LEF1: variants seen among roughly 807,000 people sequenced by gnomAD.
LEF1 encodes lymphoid enhancer binding factor 1, also known as lymphoid enhancer-binding factor 1.
In LEF1, 14 loss-of-function variants were observed where a neutral mutation model predicts 51.2. The observed-to-expected ratio is 0.27, with a 90% CI of 0.18 to 0.43. The LOEUF is 0.43. Among genes scored for constraint, LEF1 ranks in the 20% least tolerant of loss-of-function variants. The pLI is 1.00. For synonymous variants in LEF1, 185 were observed against 183.2 expected (o/e 1.01, Z -0.08); for missense variants, 386 against 512.0 (o/e 0.75, Z 2.37).
At chr4:108,083,818 C>T (rs183999231) in intron 4 of LEF1, among the ~76,000 whole-genome samples, 32 of 152,236 alleles carry the variant, frequency 2.1e-4, no homozygotes, top group African/African-American at 7.0e-4. Context: ...GACAGCCCTT[C>T]GTAAGTAGAT....
chr4:108,102,142 T>C (rs182591584), intron 3 of LEF1, among the ~76,000 whole-genome samples: 6 of 151,940 alleles, frequency 3.9e-5, no homozygotes, highest in African/African-American at 7.2e-5. Flanking sequence ...CAATGCCACA[T>C]TGCTGATGGT....
At chr4:108,149,653 G>GTA (rs1176632198) in intron 3 of LEF1, among the ~76,000 whole-genome samples, 82 of 146,898 alleles carry the variant, frequency 5.6e-4, no homozygotes, top group Admixed American at 1.8e-3. Context: ...ATGTACATGT[G>GTA]TATATATATA....
rs1403604087 is a variant in LEF1 at position 108,048,447 on chromosome 4, T to C, written c.*311A>G. ...CACGCAGATATGAGGGGAGAAAAGC[T>C]GCTCAGCTGCCCCACAGCCTGCTAG... On this transcript the variant is annotated 3_prime_UTR_variant, in exon 12 of 12. Coordinates refer to ENST00000265165, the MANE Select transcript of LEF1 (RefSeq NM_016269.5). The C allele has an allele frequency of 2.9e-6, 1 of 348,886 alleles. No individual in the cohort carries two copies. Among genetic ancestry groups the C allele is most frequent in the African/African-American group, 2.1e-5 (1 of 47,774 alleles). The allele number at this position is 348,886 out of a possible 1,614,324, so 21.6% of individuals were successfully genotyped here.
intron 4 of LEF1, 45 bp from the exon 5 acceptor site, chr4:108,083,491 A>G (rs994975359): frequency 3.5e-5 from 45 of 1,283,642 alleles, no homozygotes; most frequent in Non-Finnish European, 4.8e-5. Context: ...TTCACAGGAT[A>G]TTTAACCAGA....
chr4:108,140,400 T>C (rs1467990111), intron 3 of LEF1, among the ~76,000 whole-genome samples: 1 of 152,218 alleles, frequency 6.6e-6, no homozygotes, highest in African/African-American at 2.4e-5. Flanking sequence ...TCCTTTCCTC[T>C]ATCTACTTTA....
intron 3 of LEF1, among the ~76,000 whole-genome samples, chr4:108,146,819 C>G (rs990558520): frequency 3.3e-5 from 5 of 152,120 alleles, no homozygotes; most frequent in Non-Finnish European, 7.4e-5. Flanking sequence ...CAACCTGTAT[C>G]GATAAAACAA....
intron 4 of LEF1, among the ~76,000 whole-genome samples, chr4:108,084,286 T>C (rs951064816): frequency 3.3e-5 from 5 of 152,172 alleles, no homozygotes; most frequent in Non-Finnish European, 7.3e-5. Flanking sequence ...GGAAAGTGAT[T>C]CAGAATAGAA....
intron 2 of LEF1, 110 bp from the exon 3 acceptor site, chr4:108,163,811 G>T (rs1363718872): frequency 3.5e-6 from 4 of 1,139,936 alleles, no homozygotes; most frequent in South Asian, 3.5e-5. Flanking sequence ...CTACATAAAA[G>T]ATTTGTTTAC....
chr4:108,090,934 T>G (rs1256405087), intron 3 of LEF1, among the ~76,000 whole-genome samples: 1 of 152,194 alleles, frequency 6.6e-6, no homozygotes, highest in African/African-American at 2.4e-5. Flanking sequence ...GATTTTAAAC[T>G]AATCTAATAA....
intron 3 of LEF1, among the ~76,000 whole-genome samples, chr4:108,147,949 T>G (rs1744100035): frequency 6.6e-6 from 1 of 152,224 alleles, no homozygotes; most frequent in Non-Finnish European, 1.5e-5. Context: ...AAATGAAAAC[T>G]TATCTACCTT....
At position 108,167,012 on chromosome 4, in the gene LEF1, G is replaced by A. The variant is rs568573338; in HGVS notation, c.213+543C>T. ...CCTGCTCCCCGCGGCCCGGCTCACCGGTGGTAGGGACGGCCCCGCCTGCCC... is the reference window on the plus strand; with the variant it reads ...CCTGCTCCCCGCGGCCCGGCTCACCAGTGGTAGGGACGGCCCCGCCTGCCC... On this transcript the variant is annotated intron_variant, in intron 1 of 11. Coordinates refer to ENST00000265165, the MANE Select transcript of LEF1 (RefSeq NM_016269.5). The surrounding 1 kb of genome is among the most constrained non-coding windows in gnomAD (Gnocchi z 5.7). Among the ~76,000 whole-genome samples, 41 of 151,898 alleles carry A rather than the reference G, an allele frequency of 2.7e-4. No homozygotes were observed. Among genetic ancestry groups the A allele is most frequent in the African/African-American group, 9.9e-4 (41 of 41,440 alleles).
intron 3 of LEF1, among the ~76,000 whole-genome samples, chr4:108,117,021 C>T (rs1741882936): frequency 6.6e-6 from 1 of 152,204 alleles, no homozygotes; most frequent in South Asian, 2.1e-4. Flanking sequence ...GTACACAATT[C>T]ACATTCACAC....
intron 5 of LEF1, among the ~76,000 whole-genome samples, chr4:108,082,613 T>A (rs72894349): frequency 6.6e-6 from 1 of 151,840 alleles, no homozygotes; most frequent in African/African-American, 2.4e-5. Context: ...GGAGGGAGAA[T>A]TGGAGAGGGA....
rs934913413 is a variant in LEF1, at chr4:108,077,219, G to A, written c.1008+1001C>T. Among the ~76,000 whole-genome samples, 18 of 152,050 alleles carry A rather than the reference G, an allele frequency of 1.2e-4. 1 individual carries two copies. In the South Asian group the frequency reaches 2.1e-3, roughly 18 times the overall value. ...TTAGCCAGGCATTGGCCACTGTCCC[G>A]TCTAGCAAGTGAGGAGCCCCTCTGC... is the stretch of plus-strand genomic sequence containing the variant. On this transcript the variant is annotated intron_variant, in intron 8 of 11. Transcript: ENST00000265165.
intron 3 of LEF1, among the ~76,000 whole-genome samples, chr4:108,116,175 AG>A (rs1048134217): frequency 4.6e-5 from 7 of 152,118 alleles, no homozygotes; most frequent in Admixed American, 4.6e-4. Context: ...TGAAAAGGGC[AG>A]GGGGACATGA....
intron 3 of LEF1, among the ~76,000 whole-genome samples, chr4:108,092,918 A>G (rs13131955): frequency 3.1e-4 from 12 of 39,224 alleles, no homozygotes; most frequent in African/African-American, 1.1e-3. Context: ...ATGAATATGT[A>G]AAAAAAAAAA....
chr4:108,134,550 C>T (rs372713113), intron 3 of LEF1, among the ~76,000 whole-genome samples: 7 of 152,168 alleles, frequency 4.6e-5, no homozygotes, highest in African/African-American at 1.7e-4. Context: ...AGCTGATGGG[C>T]CACACAGAGT....
chr4:108,093,388 A>G (rs1740181511), intron 3 of LEF1, among the ~76,000 whole-genome samples: 1 of 152,120 alleles, frequency 6.6e-6, no homozygotes, highest in Non-Finnish European at 1.5e-5. Context: ...TGCTTTTCCT[A>G]CTACACATCT....
At chr4:108,064,315 G>A in intron 10 of LEF1, 21 bp downstream of exon 10, 1 of 1,590,148 alleles carries the variant, frequency 6.3e-7, no homozygotes. Context: ...AGGATTGACT[G>A]GAAAGTCTCA....
Sources: gnomAD v4.1 joint callset for allele counts (sites outside exome capture counted in the v4.1 genomes callset) on GRCh38, gnomAD v4.1.1 for gene constraint, Gnocchi (gnomAD v3.1) non-coding constraint, MANE v1.5 for transcripts, NCBI Gene and HGNC (gene_info 2026-07-23, HGNC 2026-07-21) for gene names.